Variants in STXBP5 observed in about 807,000 individuals in gnomAD.
The protein encoded by STXBP5 is syntaxin binding protein 5.
Under a neutral mutation model 152.4 loss-of-function variants are expected in STXBP5, and 50 were observed. That is an observed-to-expected ratio of 0.33 (90% CI 0.26 to 0.42). The LOEUF is 0.42. Ranked by LOEUF, STXBP5 falls within the 10% of genes least tolerant of loss-of-function variation. The pLI, the probability that STXBP5 is intolerant of heterozygous loss-of-function variation, is 1.00. For missense variants in STXBP5, 1,167 were observed against 1,388.6 expected, an observed-to-expected ratio of 0.84 and a Z score of 2.54; for synonymous variants, 492 against 494.7, an observed-to-expected ratio of 0.99 and a Z score of 0.07.
At chr6:147,231,343 G>C (rs1483003986) in intron 2 of STXBP5, among the ~76,000 whole-genome samples, 1 of 151,756 alleles carries the variant, frequency 6.6e-6, no homozygotes, top group Non-Finnish European at 1.5e-5. Flanking sequence ...CAGTGATAAT[G>C]GTGCTTGTCT....
chr6:147,243,213 A>G (rs538097295), intron 4 of STXBP5, among the ~76,000 whole-genome samples: 1 of 152,196 alleles, frequency 6.6e-6, no homozygotes, highest in African/African-American at 2.4e-5. Context: ...CTAGCATTGA[A>G]TAAGAGGTCC....
chr6:147,314,187 A>ACC, intron 12 of STXBP5, 77 bp from the exon 13 acceptor site: 1 of 1,311,370 alleles, frequency 7.6e-7, no homozygotes, highest in Non-Finnish European at 1.1e-6. Flanking sequence ...TTATTTACAC[A>ACC]CACACACACA....
At chr6:147,319,220 T>C (rs970656397) in intron 16 of STXBP5, among the ~76,000 whole-genome samples, 2 of 152,146 alleles carry the variant, frequency 1.3e-5, no homozygotes, top group African/African-American at 4.8e-5. Flanking sequence ...AACTCTTTTA[T>C]TTTTCATTGA....
intron 2 of STXBP5, among the ~76,000 whole-genome samples, chr6:147,232,782 T>C (rs1778069519): frequency 1.3e-5 from 2 of 152,024 alleles, no homozygotes; most frequent in Middle Eastern, 3.4e-3. Flanking sequence ...TTTATCATGT[T>C]AGCTAGAAGT....
intron 2 of STXBP5, among the ~76,000 whole-genome samples, chr6:147,232,260 A>C (rs1245385107): frequency 1.3e-5 from 2 of 151,802 alleles, no homozygotes; most frequent in Non-Finnish European, 1.5e-5. Flanking sequence ...GTAAATAAGT[A>C]ATAAATAAAT....
rs757260640 is a variant in STXBP5 at position 147,267,140 on chromosome 6, A to G, written c.687A>G (p.Lys229=). ...TVVLWDLKSK[K]ADYRYTYDEA... ...TTTTATGGGACCTCAAATCAAAGAA[A>G]GCCGACTACAGATACACATATGATG... The change falls in exon 7 of 28, where the codon AAA becomes AAG. Residue 229 remains lysine, a synonymous_variant. Transcript: ENST00000321680. The G allele has an allele frequency of 6.2e-7, 1 of 1,610,232 alleles. No homozygotes were observed. Among genetic ancestry groups the G allele is most frequent in the South Asian group, 1.1e-5 (1 of 90,348 alleles).
At chr6:147,216,090 TG>T (rs1447079170) in intron 2 of STXBP5, among the ~76,000 whole-genome samples, 2 of 152,158 alleles carry the variant, frequency 1.3e-5, no homozygotes, top group Non-Finnish European at 1.5e-5. Flanking sequence ...AAATGAATAA[TG>T]TATTTTTTAA....
intron 7 of STXBP5, among the ~76,000 whole-genome samples, chr6:147,277,135 T>G (rs1181711389): frequency 6.6e-6 from 1 of 152,138 alleles, no homozygotes; most frequent in Non-Finnish European, 1.5e-5. Flanking sequence ...TATAGCTGAT[T>G]ATCTGTATCC....
chr6:147,230,815 G>T (rs1023056853), intron 2 of STXBP5, among the ~76,000 whole-genome samples: 1 of 151,750 alleles, frequency 6.6e-6, no homozygotes, highest in African/African-American at 2.4e-5. Flanking sequence ...TAAACTTTGC[G>T]CCTGAGTTTC....
intron 16 of STXBP5, among the ~76,000 whole-genome samples, chr6:147,319,553 T>C (rs1028574357): frequency 6.6e-6 from 1 of 152,192 alleles, no homozygotes; most frequent in Non-Finnish European, 1.5e-5. Flanking sequence ...AATAAAACTT[T>C]ATAACAACTA....
intron 16 of STXBP5, among the ~76,000 whole-genome samples, chr6:147,322,891 T>G (rs929981631): frequency 1.1e-4 from 17 of 152,286 alleles, no homozygotes; most frequent in African/African-American, 3.8e-4. Flanking sequence ...CCTCTTTATC[T>G]CTTCCTTTCT....
At chr6:147,296,038 C>T (rs945071936) in intron 9 of STXBP5, among the ~76,000 whole-genome samples, 6 of 151,986 alleles carry the variant, frequency 3.9e-5, no homozygotes, top group African/African-American at 1.4e-4. Flanking sequence ...CTCTGGTGCC[C>T]ACACCCATAC....
At chr6:147,243,708 T>C (rs1401290914) in intron 4 of STXBP5, among the ~76,000 whole-genome samples, 1 of 152,134 alleles carries the variant, frequency 6.6e-6, no homozygotes, top group Non-Finnish European at 1.5e-5. Context: ...TTTTAGAGTT[T>C]TGCATTTTAC....
rs527921845 is a variant in STXBP5, at chr6:147,348,220, C to A, written c.2255-5103C>A. On this transcript the variant is annotated intron_variant, in intron 21 of 27. Transcript: ENST00000321680. ...GTCAACATTGCCACTCAAGACAAAG[C>A]CTTGGTAGATACTGCACAGTTCTTC... 6.6e-5 allele frequency among the ~76,000 whole-genome samples: 10 copies of A among 152,142 alleles called. No individual in the cohort carries two copies. The South Asian group carries it at 1.9e-3, about 28-fold the overall frequency.
rs369139334 is a variant in STXBP5, at chr6:147,270,181, G to A, written c.714+3014G>A. On this transcript the variant is annotated intron_variant, in intron 7 of 27. Transcript: ENST00000321680. ...TGGGAGGCCAAGGCGGGCAGATCAC[G>A]AGGTCAGGAGATCGAGACCATCCTA... 2.0e-5 allele frequency among the ~76,000 whole-genome samples: 3 copies of A among 151,952 alleles called. No homozygotes were observed. The East Asian group carries it at 5.8e-4, about 29-fold the overall frequency.
chr6:147,357,106 A>G (rs1784849225), intron 22 of STXBP5, among the ~76,000 whole-genome samples: 2 of 152,108 alleles, frequency 1.3e-5, no homozygotes, highest in South Asian at 2.1e-4. Flanking sequence ...GAGGCATGAG[A>G]AAAGTCAGAA....
At chr6:147,218,437 C>G (rs1168117886) in intron 2 of STXBP5, among the ~76,000 whole-genome samples, 1 of 151,988 alleles carries the variant, frequency 6.6e-6, no homozygotes, top group Non-Finnish European at 1.5e-5. Flanking sequence ...TCAAATTCCA[C>G]TGGTTCTTTT....
chr6:147,366,785 G>T (rs1006562981), intron 25 of STXBP5, among the ~76,000 whole-genome samples: 29 of 152,270 alleles, frequency 1.9e-4, no homozygotes, highest in African/African-American at 6.5e-4. Context: ...TCCTTGGATG[G>T]TCCGTTATCA....
intron 9 of STXBP5, chr6:147,292,273 A>G (rs1311327240): frequency 2.2e-6 from 1 of 451,812 alleles, no homozygotes; most frequent in South Asian, 1.6e-5. Context: ...TCCAACAGAT[A>G]TATTCCAACA....
Sources: allele counts gnomAD v4.1 joint callset (sites outside exome capture counted in the v4.1 genomes callset), GRCh38; gene constraint gnomAD v4.1.1; transcripts MANE v1.5; gene names NCBI Gene and HGNC (gene_info 2026-07-23, HGNC 2026-07-21).